Variants in VDAC2 observed in about 807,000 individuals in gnomAD.
VDAC2 encodes the protein non-selective voltage-gated ion channel VDAC2.
In VDAC2, 6 loss-of-function variants were observed where a neutral mutation model predicts 36.6. That is an observed-to-expected ratio of 0.16 (90% CI 0.09 to 0.32). The LOEUF (loss-of-function observed/expected upper bound fraction) is 0.32, where lower values mean the gene tolerates loss of function less well. Among genes scored for constraint, VDAC2 ranks in the 10% least tolerant of loss-of-function variants. VDAC2 has a pLI of 1.00. For synonymous variants in VDAC2, 109 were observed against 123.8 expected (o/e 0.88, Z 0.79); for missense variants, 247 against 346.0 (o/e 0.71, Z 2.27).
intron 8 of VDAC2, among the ~76,000 whole-genome samples, chr10:75,228,718 T>G (rs1475253547): frequency 6.6e-6 from 1 of 152,246 alleles, no homozygotes. Context: ...AGACATCGAA[T>G]CATTTGGAGA....
At chr10:75,217,181 C>T (rs1030679132) in intron 4 of VDAC2, among the ~76,000 whole-genome samples, 1 of 152,042 alleles carries the variant, frequency 6.6e-6, no homozygotes, top group African/African-American at 2.4e-5. Flanking sequence ...CGCTTGAGCC[C>T]AGGAGTTTGA....
At chr10:75,227,406 T>C (rs1841983692) in intron 8 of VDAC2, among the ~76,000 whole-genome samples, 1 of 152,106 alleles carries the variant, frequency 6.6e-6, no homozygotes, top group Non-Finnish European at 1.5e-5. Context: ...AGGTAGATAG[T>C]ATCAGAATTG....
chr10:75,215,004 C>T (rs1333256503), intron 4 of VDAC2, among the ~76,000 whole-genome samples: 1 of 152,056 alleles, frequency 6.6e-6, no homozygotes, highest in Admixed American at 6.6e-5. Context: ...GCCTCGACCT[C>T]TTGGGCTCAA....
chr10:75,222,293 T>G lies in VDAC2; in HGVS notation c.626T>G (p.Val209Gly), dbSNP rs1284815555. Residue 209 changes from valine to glycine, a missense_variant, in exon 8 of 10, where the codon GTT becomes GGT. Val to Gly is a moderately radical substitution (Grantham distance 109). Around this residue, in one of 3 missense-constraint regions of VDAC2, gnomAD observed 159 missense variants for 234.0 expected, o/e 0.68. Transcript: ENST00000332211. ...TTTGGAGGATCAATTTATCAGAAAG[T>G]TTGTGAAGATCTTGACACTTCAGTA... is the stretch of plus-strand genomic sequence containing the variant. ...TEFGGSIYQK[V>G]CEDLDTSVNL... 1 of 1,613,898 alleles carries G rather than the reference T, an allele frequency of 6.2e-7. No individual in the cohort carries two copies. Among genetic ancestry groups the G allele is most frequent in the Non-Finnish European group, 8.5e-7 (1 of 1,179,966 alleles).
chr10:75,215,985 C>A (rs563191417), intron 4 of VDAC2, among the ~76,000 whole-genome samples: 1 of 152,296 alleles, frequency 6.6e-6, no homozygotes, highest in South Asian at 2.1e-4. Flanking sequence ...GGATTACAGG[C>A]GTGAGCCACA....
At chr10:75,227,894 C>T (rs138962233) in intron 8 of VDAC2, among the ~76,000 whole-genome samples, 2 of 144,698 alleles carry the variant, frequency 1.4e-5, no homozygotes, top group East Asian at 2.1e-4. Context: ...TTCTTTCTTT[C>T]TTTCTTTTTT....
chr10:75,215,375 G>A (rs553843916), intron 4 of VDAC2, among the ~76,000 whole-genome samples: 3 of 148,414 alleles, frequency 2.0e-5, no homozygotes, highest in South Asian at 2.1e-4. Context: ...TTTTTGAGAC[G>A]GAGTCTTGCA....
intron 8 of VDAC2, among the ~76,000 whole-genome samples, chr10:75,223,504 C>G (rs1841878037): frequency 6.6e-6 from 1 of 152,158 alleles, no homozygotes; most frequent in South Asian, 2.1e-4. Context: ...TGGAAATGTA[C>G]CTAGCCTTTC....
chr10:75,210,414 G>C (rs1188842450), upstream of VDAC2, among the ~76,000 whole-genome samples: 1 of 152,218 alleles, frequency 6.6e-6, no homozygotes, highest in Non-Finnish European at 1.5e-5. Context: ...GCACCAGCGC[G>C]TAAGGGGAGT....
At chr10:75,211,666 T>C in intron 2 of VDAC2, 2 of 1,550,558 alleles carry the variant, frequency 1.3e-6, no homozygotes, top group South Asian at 1.2e-5. Context: ...ATTAGTAAGT[T>C]TGAAGCGCTA....
intron 4 of VDAC2, chr10:75,218,088 CAAAA>C (rs879352648): frequency 1.1e-4 from 30 of 260,896 alleles, no homozygotes; most frequent in South Asian, 2.9e-4. Context: ...GATGCTGTCT[CAAAA>C]AAAAAAAAAA....
chr10:75,216,188 C>CT (rs2132258723), intron 4 of VDAC2, among the ~76,000 whole-genome samples: 1 of 152,242 alleles, frequency 6.6e-6, no homozygotes, highest in African/African-American at 2.4e-5. Flanking sequence ...CATTGTTAGT[C>CT]TATTGAGGCC....
intron 4 of VDAC2, among the ~76,000 whole-genome samples, chr10:75,215,354 G>T (rs1841568667): frequency 6.6e-6 from 1 of 151,474 alleles, no homozygotes; most frequent in East Asian, 1.9e-4. Context: ...GAGAGAGAGA[G>T]ACTTTTTTTT....
At chr10:75,216,954 A>G (rs912314495) in intron 4 of VDAC2, among the ~76,000 whole-genome samples, 17 of 152,142 alleles carry the variant, frequency 1.1e-4, no homozygotes, top group African/African-American at 3.6e-4. Flanking sequence ...GCAGAAACAG[A>G]CCCAAAAAAG....
chr10:75,229,057 T>C (rs1241260912), intron 8 of VDAC2, among the ~76,000 whole-genome samples: 2 of 152,122 alleles, frequency 1.3e-5, no homozygotes, highest in African/African-American at 4.8e-5. Context: ...AGTGGTTACA[T>C]ACAGCCAGAA....
chr10:75,218,754 C>CT (rs1438851524), intron 4 of VDAC2, among the ~76,000 whole-genome samples: 4 of 149,964 alleles, frequency 2.7e-5, no homozygotes, highest in Non-Finnish European at 4.4e-5. Context: ...GAGCGGGACT[C>CT]TGTCTCAAAA....
chr10:75,213,210 C>T (rs1166206234), intron 3 of VDAC2, among the ~76,000 whole-genome samples: 1 of 150,828 alleles, frequency 6.6e-6, no homozygotes, highest in Non-Finnish European at 1.5e-5. Context: ...TCTCTGGTAA[C>T]TGGGATTACA....
chr10:75,227,285 G>T (rs1039693741), intron 8 of VDAC2, among the ~76,000 whole-genome samples: 1 of 152,192 alleles, frequency 6.6e-6, no homozygotes, highest in African/African-American at 2.4e-5. Context: ...TAACCAGTCT[G>T]TAAGAAGCAG....
chr10:75,220,626 G>A, intron 6 of VDAC2, 117 bp from the exon 7 acceptor site: 1 of 818,508 alleles, frequency 1.2e-6, no homozygotes, highest in Non-Finnish European at 1.9e-6. Flanking sequence ...CCCTGTTATT[G>A]TATTGCTGAT....
Sources: gnomAD v4.1 joint callset for allele counts (sites outside exome capture counted in the v4.1 genomes callset) on GRCh38, gnomAD v4.1.1 for gene constraint, gnomAD v4.1.1 regional missense constraint, MANE v1.5 for transcripts, NCBI Gene and HGNC (gene_info 2026-07-23, HGNC 2026-07-21) for gene names.